The following HDC variants were observed in gnomAD, a reference collection of about 807,000 sequenced individuals.
HDC encodes the protein histidine decarboxylase.
Under a neutral mutation model 64.4 loss-of-function variants are expected in HDC, and 27 were observed. The observed-to-expected ratio is 0.42, with a 90% CI of 0.31 to 0.58. The LOEUF is 0.58. HDC is among the 20% of genes least tolerant of loss of function. The probability of loss-of-function intolerance (pLI) is 0.16; values close to 1 mark genes in which losing one functional copy is unlikely to be tolerated. For missense variants in HDC, 711 were observed against 833.9 expected (o/e 0.85, Z 1.81); for synonymous variants, 305 against 314.2 (o/e 0.97, Z 0.31).
At chr15:50,257,373 G>A in intron 4 of HDC, 52 bp downstream of exon 4, 1 of 1,612,988 alleles carries the variant, frequency 6.2e-7, no homozygotes, top group East Asian at 2.2e-5. Flanking sequence ...GGTTTGGCTT[G>A]TCTTTCGCTA....
At chr15:50,252,928 T>C (rs1054048657) in intron 7 of HDC, 154 bp from the exon 8 acceptor site, 4 of 711,862 alleles carry the variant, frequency 5.6e-6, no homozygotes, top group East Asian at 5.4e-5. Context: ...TGGAGTCAGT[T>C]TGAAGAAGTG....
Position 50,254,678 on chromosome 15 carries a change from G to T in HDC, c.442-14C>A. 1 of 1,608,790 alleles carries T rather than the reference G, an allele frequency of 6.2e-7. No individual in the cohort carries two copies. Among genetic ancestry groups the T allele is most frequent in the South Asian group, 1.1e-5 (1 of 90,992 alleles). On this transcript the variant is annotated splice_polypyrimidine_tract_variant and intron_variant, in intron 4 of 11. Transcript: ENST00000267845. ...ACTGACCGTGCTCTGCAGGGGAAAA[G>T]GATTATCATGGCAGCCTTTCTGTAT... is the stretch of plus-strand genomic sequence containing the variant.
Position 50,246,031 on chromosome 15 carries a change from T to C in HDC, c.1140+2214A>G, listed in dbSNP as rs535486114. 5.9e-5 allele frequency among the ~76,000 whole-genome samples: 9 copies of C among 152,324 alleles called. No homozygotes were observed. In the South Asian group the frequency reaches 1.2e-3, roughly 21 times the overall value. ...CTCTGTAACACAGAAATATGAAATT[T>C]AATTTTATATAACTTTCCAAGAGCT... is the stretch of plus-strand genomic sequence containing the variant. On this transcript the variant is annotated intron_variant, in intron 10 of 11. Coordinates refer to ENST00000267845, the MANE Select transcript of HDC (RefSeq NM_002112.4).
At position 50,253,672 on chromosome 15, in the gene HDC, G is replaced by A. The variant is rs778796760; in HGVS notation, c.721-6C>T. The A allele has an allele frequency of 6.2e-7, 1 of 1,612,262 alleles. No individual in the cohort carries two copies. Among genetic ancestry groups the A allele is most frequent in the East Asian group, 2.2e-5 (1 of 44,890 alleles). ...GTCCCTAGTGTTGCACAGACCTAGG[G>A]GAAAATTAAGGCAAGTTAACACAGG... On this transcript the variant is annotated splice_region_variant and splice_polypyrimidine_tract_variant and intron_variant, in intron 6 of 11. Coordinates refer to ENST00000267845, the MANE Select transcript of HDC (RefSeq NM_002112.4).
At chr15:50,250,423 A>G (rs1264807004) in intron 9 of HDC, among the ~76,000 whole-genome samples, 2 of 152,152 alleles carry the variant, frequency 1.3e-5, no homozygotes, top group African/African-American at 4.8e-5. Context: ...CTGGGTGGAG[A>G]GGTAAAAATA....
At position 50,252,454 on chromosome 15, in the gene HDC, G is replaced by C. The variant is rs1410775447; in HGVS notation, c.1017C>G (p.Asn339Lys). 2 of 1,614,050 alleles carry C rather than the reference G, an allele frequency of 1.2e-6. No homozygotes were observed. Among genetic ancestry groups the C allele is most frequent in the African/African-American group, 1.3e-5 (1 of 74,916 alleles). ...CCATGAAGTCGGTGGCCACGCCTGA[G>C]TTGGCATGCCTGAGGTAGATGGGAT... ...SVNPIYLRHA[N>K]SGVATDFMHW... The change falls in exon 9 of 12, where the codon AAC (asparagine) becomes AAG (lysine). Residue 339 changes from asparagine to lysine, a missense_variant. By Grantham distance (94) the Asn-to-Lys change is moderately conservative. Transcript: ENST00000267845.
intron 10 of HDC, among the ~76,000 whole-genome samples, chr15:50,244,042 GTATTA>G (rs2045442778): frequency 6.6e-6 from 1 of 152,170 alleles, no homozygotes; most frequent in Non-Finnish European, 1.5e-5. Context: ...TAAAGGCTTT[GTATTA>G]TATTAATCTT....
chr15:50,261,211 T>G (rs957186366), intron 2 of HDC, among the ~76,000 whole-genome samples: 1 of 152,106 alleles, frequency 6.6e-6, no homozygotes, highest in Non-Finnish European at 1.5e-5. Context: ...CAAACAGACC[T>G]CTTTCCAGAA....
intron 4 of HDC, among the ~76,000 whole-genome samples, chr15:50,257,113 G>A (rs540800687): frequency 1.1e-3 from 174 of 152,238 alleles, no homozygotes; most frequent in Non-Finnish European, 2.2e-3. Flanking sequence ...CCCTTTTACC[G>A]TGAGATACAA....
intron 2 of HDC, among the ~76,000 whole-genome samples, chr15:50,259,638 C>G (rs2045677228): frequency 6.6e-6 from 1 of 152,174 alleles, no homozygotes; most frequent in African/African-American, 2.4e-5. Context: ...ACATGACCTT[C>G]CAAAACCTGC....
At chr15:50,261,906 T>A (rs911378658) in intron 2 of HDC, among the ~76,000 whole-genome samples, 1 of 151,840 alleles carries the variant, frequency 6.6e-6, no homozygotes, top group African/African-American at 2.4e-5. Flanking sequence ...ACGGGGTTTC[T>A]CCATGTTGGT....
intron 2 of HDC, among the ~76,000 whole-genome samples, chr15:50,262,836 G>A (rs910061998): frequency 6.6e-6 from 1 of 152,028 alleles, no homozygotes; most frequent in African/African-American, 2.4e-5. Flanking sequence ...TGGCTCCGTC[G>A]TCAGGGCCAG....
intron 3 of HDC, 116 bp from the exon 4 acceptor site, chr15:50,257,663 G>A: frequency 8.5e-7 from 1 of 1,175,350 alleles, no homozygotes; most frequent in Non-Finnish European, 1.3e-6. Flanking sequence ...CTGGAGAAGG[G>A]GTCATGTTAG....
In HDC at chr15:50,243,173, C is replaced by G; in HGVS notation, c.1212G>C (p.Arg404Ser). ...NDPSFEIPAKRHLGLVVFRLK... is the reference protein window; with the variant it reads ...NDPSFEIPAKSHLGLVVFRLK... ...GACGAAAAACCACCAGGCCAAGGTGCCTCTTGGCAGGAATTTCAAAGGAAG... is the reference window on the plus strand; with the variant it reads ...GACGAAAAACCACCAGGCCAAGGTGGCTCTTGGCAGGAATTTCAAAGGAAG... The change falls in exon 11 of 12, where the codon AGG becomes AGC. Residue 404 changes from arginine to serine, a missense_variant. Around this residue, in one of 3 missense-constraint regions of HDC, gnomAD observed 483 missense variants for 540.9 expected, o/e 0.89. Transcript: ENST00000267845. The G allele has an allele frequency of 6.2e-7, 1 of 1,614,010 alleles. No homozygotes were observed. The highest frequency in any genetic ancestry group is 1.1e-5 in the South Asian group (1 of 91,078).
chr15:50,249,376 A>C (rs1595703109), intron 9 of HDC, among the ~76,000 whole-genome samples: 1 of 152,208 alleles, frequency 6.6e-6, no homozygotes, highest in Admixed American at 6.5e-5. Flanking sequence ...GTTGACTAAA[A>C]ATAAATGTTT....
chr15:50,254,780 GTGTGTATGTGTT>G, intron 4 of HDC, 116 bp from the exon 5 acceptor site: 1 of 806,602 alleles, frequency 1.2e-6, no homozygotes, highest in African/African-American at 2.1e-5. Flanking sequence ...CTCTCTCTGT[GTGTGTATGTGTT>G]TGTGTATGTG....
chr15:50,242,612 A>G lies in HDC; in HGVS notation c.1637T>C (p.Leu546Pro). ...TGAAAAGCAGTCATCAACTGGGTCC[A>G]GCAGGGTTTCAAGATGGAGGCCATT... ...RENGLHLETLLDPVDDCFSEE... is the reference protein window; with the variant it reads ...RENGLHLETLPDPVDDCFSEE... Residue 546 changes from leucine (L) to proline (P), a missense_variant, in exon 12 of 12, where the codon CTG (leucine) becomes CCG (proline). Coordinates refer to ENST00000267845, the MANE Select transcript of HDC (RefSeq NM_002112.4). 2 of 1,614,216 alleles carry G rather than the reference A, an allele frequency of 1.2e-6. No individual in the cohort carries two copies. Among genetic ancestry groups the G allele is most frequent in the Non-Finnish European group, 1.7e-6 (2 of 1,180,040 alleles).
At chr15:50,247,481 A>G (rs545920742) in intron 10 of HDC, among the ~76,000 whole-genome samples, 1 of 152,312 alleles carries the variant, frequency 6.6e-6, no homozygotes, top group African/African-American at 2.4e-5. Flanking sequence ...AATTCCCTAG[A>G]GGAAAGGTGG....
rs376791644 is a variant in HDC at position 50,256,871 on chromosome 15, C to T, written c.441+554G>A. ...CATGAACGTCAAGGATTTATAGATG[C>T]AAAAGCACCTAACAATGTGTGTGGT... On this transcript the variant is annotated intron_variant, in intron 4 of 11. Coordinates refer to ENST00000267845, the MANE Select transcript of HDC (RefSeq NM_002112.4). Among the ~76,000 whole-genome samples, 3 of 152,090 alleles carry T rather than the reference C, an allele frequency of 2.0e-5. No individual in the cohort carries two copies. In the East Asian group the frequency reaches 5.8e-4, roughly 29 times the overall value.
Sources: gnomAD v4.1 joint callset for allele counts (sites outside exome capture counted in the v4.1 genomes callset) on GRCh38, gnomAD v4.1.1 for gene constraint, gnomAD v4.1.1 regional missense constraint, MANE v1.5 for transcripts, NCBI Gene and HGNC (gene_info 2026-07-23, HGNC 2026-07-21) for gene names.